The following PLXNA4 variants were observed in gnomAD, a reference collection of about 807,000 sequenced individuals.
PLXNA4 encodes plexin A4, also known as plexin-A4.
In PLXNA4, 44 loss-of-function variants were observed where a neutral mutation model predicts 191.8. That is an observed-to-expected ratio of 0.23 (90% CI 0.18 to 0.29). PLXNA4 has a LOEUF of 0.29. Among genes scored for constraint, PLXNA4 ranks in the 10% least tolerant of loss-of-function variants. The pLI is 1.00. For missense variants in PLXNA4, 1,800 were observed against 2,488.8 expected (o/e 0.72, Z 5.89); for synonymous variants, 1,082 against 1,009.5 (o/e 1.07, Z -1.36).
At chr7:132,256,868 C>T (rs1240829136) in intron 4 of PLXNA4, among the ~76,000 whole-genome samples, 2 of 152,074 alleles carry the variant, frequency 1.3e-5, no homozygotes, top group East Asian at 1.9e-4. Context: ...AGGTGGAAGG[C>T]TATGGGGGCA....
At chr7:132,130,922 C>A (rs1366054203) in intron 31 of PLXNA4, among the ~76,000 whole-genome samples, 1 of 152,210 alleles carries the variant, frequency 6.6e-6, no homozygotes, top group East Asian at 1.9e-4. Context: ...GCAGGTTAGA[C>A]AGCAGCTAGT....
chr7:132,406,853 A>G (rs1168488967), intron 3 of PLXNA4, among the ~76,000 whole-genome samples: 3 of 152,022 alleles, frequency 2.0e-5, no homozygotes, highest in Non-Finnish European at 4.4e-5. Context: ...TGCTTCCCCA[A>G]CTCTGCATTT....
intron 4 of PLXNA4, among the ~76,000 whole-genome samples, chr7:132,273,972 G>T (rs1014033174): frequency 6.6e-6 from 1 of 151,316 alleles, no homozygotes; most frequent in Non-Finnish European, 1.5e-5. Context: ...GTACACTGAG[G>T]TTCACCCATG....
intron 3 of PLXNA4, among the ~76,000 whole-genome samples, chr7:132,482,003 TG>T (rs1484250390): frequency 6.6e-6 from 1 of 152,220 alleles, no homozygotes; most frequent in African/African-American, 2.4e-5. Flanking sequence ...CTGGTGTTCC[TG>T]AGGAAGGCCG....
At chr7:132,600,757 ACT>A in intron 2 of PLXNA4, among the ~76,000 whole-genome samples, 1 of 151,000 alleles carries the variant, frequency 6.6e-6, no homozygotes, top group South Asian at 2.1e-4. Context: ...TATTCATAAC[ACT>A]CTTATTATTT....
chr7:132,135,791 C>T (rs1795094272), intron 30 of PLXNA4, among the ~76,000 whole-genome samples: 1 of 152,150 alleles, frequency 6.6e-6, no homozygotes, highest in African/African-American at 2.4e-5. Flanking sequence ...CTCTCCTGAA[C>T]ACATCATCCT....
At chr7:132,365,724 A>G (rs1317601779) in intron 3 of PLXNA4, among the ~76,000 whole-genome samples, 1 of 152,216 alleles carries the variant, frequency 6.6e-6, no homozygotes, top group Non-Finnish European at 1.5e-5. Flanking sequence ...TTCCTCTGCC[A>G]AGTGCTCTTA....
At position 132,147,862 on chromosome 7, in the gene PLXNA4, A is replaced by G. The variant is rs1299451982; in HGVS notation, c.4864+38T>C. 6.2e-6 allele frequency: 10 copies of G among 1,613,044 alleles called. 1 individual carries two copies. Among genetic ancestry groups the G allele is most frequent in the Middle Eastern group, 3.4e-4 (2 of 5,956 alleles). On this transcript the variant is annotated intron_variant, in intron 27 of 31. Transcript: ENST00000321063. ...GCTGTCATGACAACAGCTGCTCAGG[A>G]CACCCAGGCCTCCCTAGGACACTCG...
chr7:132,368,401 G>C (rs778587963), intron 3 of PLXNA4, among the ~76,000 whole-genome samples: 10 of 152,178 alleles, frequency 6.6e-5, no homozygotes, highest in Non-Finnish European at 8.8e-5. Flanking sequence ...CTGGCTCCCT[G>C]TCGCTCTCCT....
intron 1 of PLXNA4, among the ~76,000 whole-genome samples, chr7:132,530,170 A>G (rs1799569558): frequency 6.6e-6 from 1 of 152,196 alleles, no homozygotes; most frequent in African/African-American, 2.4e-5. Context: ...AAGGGCCATG[A>G]GGAAACTTCT....
At chr7:132,314,407 C>A (rs1432649803) in intron 3 of PLXNA4, among the ~76,000 whole-genome samples, 2 of 152,168 alleles carry the variant, frequency 1.3e-5, no homozygotes, top group Non-Finnish European at 2.9e-5. Context: ...GGCCCCTTCT[C>A]CCCACAGACC....
intron 4 of PLXNA4, among the ~76,000 whole-genome samples, chr7:132,289,589 G>GT (rs751296182): frequency 1.3e-5 from 2 of 151,372 alleles, no homozygotes; most frequent in Non-Finnish European, 2.9e-5. Flanking sequence ...CTGGAGTACA[G>GT]TGGCATGACC....
chr7:132,433,945 A>AT (rs1795370205), intron 3 of PLXNA4, among the ~76,000 whole-genome samples: 1 of 152,218 alleles, frequency 6.6e-6, no homozygotes, highest in Non-Finnish European at 1.5e-5. Context: ...GGAAAAGTTG[A>AT]TGATCCCAGT....
At chr7:132,350,072 T>C (rs1248474839) in intron 3 of PLXNA4, among the ~76,000 whole-genome samples, 1 of 152,176 alleles carries the variant, frequency 6.6e-6, no homozygotes, top group Non-Finnish European at 1.5e-5. Flanking sequence ...CCCAACCTCC[T>C]GTTCACAAAT....
rs10246287 is a variant in PLXNA4, at chr7:132,399,549, C to T, written c.1371+89743G>A. ...ATCAAGAGAGGCTTCATGGGGGAGG[C>T]GGGACCACACTGGTCCTAGTGCAGT... On this transcript the variant is annotated intron_variant, in intron 3 of 31. Transcript: ENST00000321063. Among the ~76,000 whole-genome samples, 933 of 152,224 alleles carry T rather than the reference C, an allele frequency of 6.1e-3. 4 individuals are homozygous for T. Among genetic ancestry groups the T allele is most frequent in the African/African-American group, 0.021 (866 of 41,550 alleles).
In PLXNA4 at chr7:132,482,946, C is replaced by T. The variant is rs574493740; in HGVS notation, c.1371+6346G>A. Among the ~76,000 whole-genome samples, 6 of 152,170 alleles carry T rather than the reference C, an allele frequency of 3.9e-5. No homozygotes were observed. In the East Asian group the frequency reaches 1.2e-3, roughly 29 times the overall value. ...GACCTCATGATCTGTGTGCCTCAGC[C>T]TCCCAAAGTGCTGGGATTACAGGGG... On this transcript the variant is annotated intron_variant, in intron 3 of 31. Transcript: ENST00000321063.
rs752011100 is a variant in PLXNA4 at position 132,298,139 on chromosome 7, C to A, written c.1455G>T (p.Met485Ile). The change falls in exon 4 of 32, where the codon ATG becomes ATT. Residue 485 changes from methionine (M) to isoleucine (I), a missense_variant. Physicochemically the swap from Met to Ile is conservative, Grantham distance 10. Coordinates refer to ENST00000321063, the MANE Select transcript of PLXNA4 (RefSeq NM_020911.2). ...VVDPGPVLRDMAFSKDHEQLY... is the reference protein window; with the variant it reads ...VVDPGPVLRDIAFSKDHEQLY... ...GTTGCTCGTGGTCCTTGGAGAAGGC[C>A]ATATCCCGGAGGACTGGGCCGGGGT... 2 of 1,614,196 alleles carry A rather than the reference C, an allele frequency of 1.2e-6. No individual in the cohort carries two copies. Among genetic ancestry groups the A allele is most frequent in the Admixed American group, 3.3e-5 (2 of 60,030 alleles).
chr7:132,450,077 A>T (rs1796064294), intron 3 of PLXNA4, among the ~76,000 whole-genome samples: 1 of 152,150 alleles, frequency 6.6e-6, no homozygotes, highest in African/African-American at 2.4e-5. Flanking sequence ...AGGAAGGAAG[A>T]TGACTGCTCT....
chr7:132,587,628 T>C (rs1413861305), intron 2 of PLXNA4, among the ~76,000 whole-genome samples: 1 of 152,122 alleles, frequency 6.6e-6, no homozygotes, highest in Non-Finnish European at 1.5e-5. Context: ...CGGAATGCTT[T>C]GGGGGTAATT....
Sources: allele counts gnomAD v4.1 joint callset (sites outside exome capture counted in the v4.1 genomes callset), GRCh38; gene constraint gnomAD v4.1.1; transcripts MANE v1.5; gene names NCBI Gene and HGNC (gene_info 2026-07-23, HGNC 2026-07-21).